NPL: variants seen among roughly 807,000 people sequenced by gnomAD.
NPL encodes N-acetylneuraminate pyruvate lyase, also known as N-acetylneuraminate lyase.
Under a neutral mutation model 41.1 loss-of-function variants are expected in NPL, and 32 were observed. That is an observed-to-expected ratio of 0.78 (90% CI 0.59 to 1.05). The LOEUF is 1.05. Among genes scored for constraint, NPL ranks in the 50% least tolerant of loss-of-function variants. The pLI is 0.00. For synonymous variants in NPL, 128 were observed against 134.9 expected (o/e 0.95, Z 0.35); for missense variants, 321 against 378.4 (o/e 0.85, Z 1.26).
intron 3 of NPL, among the ~76,000 whole-genome samples, chr1:182,797,714 C>T (rs1419981417): frequency 6.6e-6 from 1 of 152,214 alleles, no homozygotes; most frequent in Non-Finnish European, 1.5e-5. Context: ...CCTGTCCATA[C>T]TCTTCCCCTG....
intron 5 of NPL, among the ~76,000 whole-genome samples, chr1:182,810,291 C>T (rs1370674455): frequency 3.3e-5 from 5 of 152,210 alleles, no homozygotes; most frequent in African/African-American, 9.6e-5. Flanking sequence ...CAAAAATGAA[C>T]ATCGGGGTAT....
At chr1:182,800,250 A>G (rs1666799189) in intron 3 of NPL, among the ~76,000 whole-genome samples, 1 of 151,940 alleles carries the variant, frequency 6.6e-6, no homozygotes, top group Admixed American at 6.6e-5. Context: ...AGCCTGGGCA[A>G]CCTGGTAAAA....
intron 5 of NPL, among the ~76,000 whole-genome samples, chr1:182,806,864 C>T (rs942315021): frequency 2.0e-5 from 3 of 152,118 alleles, no homozygotes; most frequent in East Asian, 3.8e-4. Flanking sequence ...TTTCTTGAGA[C>T]GGAGTCTTGC....
intron 1 of NPL, among the ~76,000 whole-genome samples, chr1:182,791,483 A>G (rs1666514231): frequency 6.6e-6 from 1 of 152,210 alleles, no homozygotes; most frequent in African/African-American, 2.4e-5. Flanking sequence ...CAGGACAAAG[A>G]CAAGACCAGA....
At chr1:182,794,086 A>G (rs556825719) in intron 2 of NPL, among the ~76,000 whole-genome samples, 1 of 152,276 alleles carries the variant, frequency 6.6e-6, no homozygotes, top group South Asian at 2.1e-4. Context: ...GTTAACCTCT[A>G]TCCTTTGAGG....
chr1:182,805,287 TG>T (rs746893845), intron 4 of NPL, among the ~76,000 whole-genome samples: 1 of 152,086 alleles, frequency 6.6e-6, no homozygotes, highest in Non-Finnish European at 1.5e-5. Flanking sequence ...AAAACTTAGC[TG>T]GGCATGGTGG....
chr1:182,791,382 T>C (rs1402118027), intron 1 of NPL: 2 of 152,136 alleles, frequency 1.3e-5, no homozygotes, highest in African/African-American at 4.8e-5. Flanking sequence ...AACAGTTTGT[T>C]CAGCTGGGCA....
chr1:182,829,322 ACT>A lies in NPL; in HGVS notation c.*417_*418del. The A allele has an allele frequency of 8.3e-7, 1 of 1,211,528 alleles. No individual in the cohort carries two copies. Among genetic ancestry groups the A allele is most frequent in the Non-Finnish European group, 1.0e-6 (1 of 971,624 alleles). 75.0% of individuals were successfully genotyped at this position (1,211,528 alleles called of 1,614,324 possible). On this transcript the variant is annotated 3_prime_UTR_variant, in exon 13 of 13. Coordinates refer to ENST00000367553, the MANE Select transcript of NPL (RefSeq NM_030769.3). ...AAATATTCATTTGGAATCTAGGAAAACTCTGAGCTACTGCATTTAGGCAGGCA... is the reference window on the plus strand; with the variant it reads ...AAATATTCATTTGGAATCTAGGAAAACTGAGCTACTGCATTTAGGCAGGCA...
intron 11 of NPL, among the ~76,000 whole-genome samples, chr1:182,823,146 A>C (rs1669467534): frequency 6.6e-6 from 1 of 152,216 alleles, no homozygotes; most frequent in African/African-American, 2.4e-5. Context: ...GATTTTCAGG[A>C]TAGTATAAGT....
chr1:182,811,559 A>G (rs762797747), intron 5 of NPL, among the ~76,000 whole-genome samples: 2 of 152,156 alleles, frequency 1.3e-5, no homozygotes, highest in African/African-American at 2.4e-5. Flanking sequence ...TGTGTGTTTT[A>G]TCACAACTTA....
chr1:182,825,689 C>T (rs1667612509), intron 11 of NPL, 92 bp from the exon 12 acceptor site: 1 of 917,198 alleles, frequency 1.1e-6, no homozygotes, highest in Non-Finnish European at 1.8e-6. Flanking sequence ...GGTGTGCAGA[C>T]TTTTTAGGGT....
At chr1:182,793,234 G>A (rs1040843831) in intron 2 of NPL, among the ~76,000 whole-genome samples, 1 of 152,188 alleles carries the variant, frequency 6.6e-6, no homozygotes, top group Non-Finnish European at 1.5e-5. Flanking sequence ...AAATGTCAGA[G>A]CTGTGAGTTG....
chr1:182,790,382 C>G (rs1298378961), intron 1 of NPL, among the ~76,000 whole-genome samples: 1 of 152,202 alleles, frequency 6.6e-6, no homozygotes, highest in Non-Finnish European at 1.5e-5. Context: ...ATACCCCCTC[C>G]CAATGTTTCA....
In NPL at chr1:182,829,729, C is replaced by A; in HGVS notation, c.*821C>A. ...CTGAATTATTGAAATCGAAGGCTGA[C>A]TTCCTTTCTGCAGTGAGCCCAGGGG... On this transcript the variant is annotated 3_prime_UTR_variant, in exon 13 of 13. Coordinates refer to ENST00000367553, the MANE Select transcript of NPL (RefSeq NM_030769.3). The A allele has an allele frequency of 1.7e-6, 2 of 1,189,248 alleles. No homozygotes were observed. 73.7% of individuals were successfully genotyped at this position (1,189,248 alleles called of 1,614,324 possible).
chr1:182,803,923 G>A lies in NPL; in HGVS notation c.142+152G>A, dbSNP rs570056019. 8 of 708,774 alleles carry A rather than the reference G, an allele frequency of 1.1e-5. No individual in the cohort carries two copies. In the Admixed American group the frequency reaches 1.2e-4, roughly 11 times the overall value. The allele number at this position is 708,774 out of a possible 1,614,324, so 43.9% of individuals were successfully genotyped here. A position where few individuals can be genotyped will look rare whatever the true frequency, so the allele number is the denominator to read the frequency against. ...CTAACTAAAATTTGTGAATTTGTAG[G>A]CCCACCAATCTTAGACCTACAAAGC... is the stretch of plus-strand genomic sequence containing the variant. On this transcript the variant is annotated intron_variant, in intron 4 of 12. Coordinates refer to ENST00000367553, the MANE Select transcript of NPL (RefSeq NM_030769.3).
chr1:182,797,505 T>C (rs775733455), intron 3 of NPL, among the ~76,000 whole-genome samples: 2 of 152,204 alleles, frequency 1.3e-5, no homozygotes, highest in African/African-American at 2.4e-5. Context: ...CCTCACAGTT[T>C]ACCTTTCCTG....
intron 2 of NPL, 55 bp from the exon 3 acceptor site, chr1:182,794,301 T>C: frequency 6.8e-7 from 1 of 1,467,568 alleles, no homozygotes; most frequent in South Asian, 1.1e-5. Flanking sequence ...TGCCTGGGAG[T>C]TTTATCATTG....
At chr1:182,800,606 C>T (rs1201588522) in intron 3 of NPL, among the ~76,000 whole-genome samples, 2 of 152,028 alleles carry the variant, frequency 1.3e-5, no homozygotes, top group Non-Finnish European at 2.9e-5. Flanking sequence ...TGCAAACTTG[C>T]ACCTGCAGAG....
Position 182,823,025 on chromosome 1 carries a change from T to C in NPL, c.738+826T>C, listed in dbSNP as rs186633236. Among the ~76,000 whole-genome samples the C allele has an allele frequency of 3.4e-3, 513 of 152,328 alleles. 1 individual carries two copies. The highest frequency in any genetic ancestry group is 5.2e-3 in the Non-Finnish European group (354 of 68,028). On this transcript the variant is annotated intron_variant, in intron 11 of 12. Transcript: ENST00000367553. The stretch of plus-strand genomic sequence containing the variant: ...CTGGGACTACAGGCATGCGCCACCA[T>C]GCCCAGCTAACATCTGGTTCTAACC...
Sources: allele counts gnomAD v4.1 joint callset (sites outside exome capture counted in the v4.1 genomes callset), GRCh38; gene constraint gnomAD v4.1.1; transcripts MANE v1.5; gene names NCBI Gene and HGNC (gene_info 2026-07-23, HGNC 2026-07-21).